Variants in SLC2A13 observed in about 807,000 individuals in gnomAD.
SLC2A13 encodes the protein proton myo-inositol cotransporter.
A neutral mutation model predicts 64.4 loss-of-function variants in SLC2A13; 32 were observed. The observed-to-expected ratio is 0.50, with a 90% CI of 0.37 to 0.67. The LOEUF (loss-of-function observed/expected upper bound fraction) is 0.67. SLC2A13 is among the 30% of genes least tolerant of loss of function. The pLI, the probability that SLC2A13 is intolerant of heterozygous loss-of-function variation, is 0.00. For synonymous variants in SLC2A13, 338 were observed against 327.1 expected, an observed-to-expected ratio of 1.03 and a Z score of -0.36; for missense variants, 743 against 829.2, an observed-to-expected ratio of 0.90 and a Z score of 1.28.
intron 1 of SLC2A13, among the ~76,000 whole-genome samples, chr12:40,079,118 G>T (rs2404352): frequency 6.6e-6 from 1 of 151,872 alleles, no homozygotes; most frequent in Non-Finnish European, 1.5e-5. Flanking sequence ...TTCACCTGTG[G>T]TTTTTGTTCA....
At chr12:39,923,138 C>CA (rs1481956073) in intron 4 of SLC2A13, among the ~76,000 whole-genome samples, 1 of 151,916 alleles carries the variant, frequency 6.6e-6, no homozygotes, top group Non-Finnish European at 1.5e-5. Context: ...TCACTGTCCT[C>CA]AAAAATTGGA....
chr12:40,018,080 G>A (rs1331588131), intron 3 of SLC2A13, among the ~76,000 whole-genome samples: 1 of 151,764 alleles, frequency 6.6e-6, no homozygotes, highest in Non-Finnish European at 1.5e-5. Flanking sequence ...GATAAAAACA[G>A]ACATACTTAA....
At chr12:39,788,984 A>G (rs979904967) in intron 7 of SLC2A13, among the ~76,000 whole-genome samples, 2 of 152,130 alleles carry the variant, frequency 1.3e-5, no homozygotes, top group Non-Finnish European at 2.9e-5. Context: ...GATTGATGCC[A>G]TAGTTGTTTT....
At position 39,759,640 on chromosome 12, in the gene SLC2A13, A is replaced by G. The variant is rs1940063901; in HGVS notation, c.*386T>C. ...CTTGGACCATCTCCCAGAATCCTTTATAAATATATTATACATATGTAATTT... is the reference window on the plus strand; with the variant it reads ...CTTGGACCATCTCCCAGAATCCTTTGTAAATATATTATACATATGTAATTT... On this transcript the variant is annotated 3_prime_UTR_variant, in exon 10 of 10. Coordinates refer to ENST00000280871, the MANE Select transcript of SLC2A13 (RefSeq NM_052885.4). The G allele has an allele frequency of 6.0e-6, 1 of 166,712 alleles. No homozygotes were observed. The highest frequency in any genetic ancestry group is 2.4e-5 in the African/African-American group (1 of 41,544). The allele number at this position is 166,712 out of a possible 1,614,324, so 10.3% of individuals were successfully genotyped here. A position where few individuals can be genotyped will look rare whatever the true frequency, so the allele number is the denominator to read the frequency against.
chr12:40,103,420 A>C (rs1156603482), intron 1 of SLC2A13, among the ~76,000 whole-genome samples: 2 of 152,214 alleles, frequency 1.3e-5, no homozygotes, highest in East Asian at 3.9e-4. Context: ...TATAAAGCTT[A>C]GCAAGTTCTA....
chr12:39,968,955 C>A (rs968436051), intron 3 of SLC2A13, among the ~76,000 whole-genome samples: 1 of 151,980 alleles, frequency 6.6e-6, no homozygotes. Context: ...CTCCTTCCCC[C>A]ACCCCACAAC....
intron 4 of SLC2A13, among the ~76,000 whole-genome samples, chr12:39,884,422 G>C (rs1409399828): frequency 6.6e-6 from 1 of 152,130 alleles, no homozygotes; most frequent in Admixed American, 6.6e-5. Flanking sequence ...ACCTCTGGTT[G>C]CCTAAAACAC....
chr12:40,099,955 A>G (rs1399823090), intron 1 of SLC2A13, among the ~76,000 whole-genome samples: 1 of 152,160 alleles, frequency 6.6e-6, no homozygotes, highest in Non-Finnish European at 1.5e-5. Context: ...CTGATTAACT[A>G]TTTGAAAATT....
intron 4 of SLC2A13, among the ~76,000 whole-genome samples, chr12:39,898,866 T>G (rs1201864926): frequency 3.3e-5 from 5 of 152,176 alleles, no homozygotes; most frequent in Non-Finnish European, 5.9e-5. Context: ...TAGCATGTTC[T>G]TCACCCTTGT....
intron 7 of SLC2A13, among the ~76,000 whole-genome samples, chr12:39,799,093 T>C (rs909024988): frequency 1.3e-5 from 2 of 148,468 alleles, no homozygotes; most frequent in East Asian, 3.9e-4. Context: ...TTTTTTTTTT[T>C]TTTAGACTCA....
At chr12:40,002,599 C>A (rs1947337993) in intron 3 of SLC2A13, among the ~76,000 whole-genome samples, 1 of 152,178 alleles carries the variant, frequency 6.6e-6, no homozygotes, top group African/African-American at 2.4e-5. Flanking sequence ...AATTCAAATT[C>A]TTTCATGCAG....
chr12:39,762,989 A>G (rs542659272), intron 9 of SLC2A13, among the ~76,000 whole-genome samples: 1 of 152,192 alleles, frequency 6.6e-6, no homozygotes, highest in Non-Finnish European at 1.5e-5. Flanking sequence ...ATAATCATGT[A>G]AACTTTTATT....
chr12:39,818,321 TG>T (rs1278886930), intron 7 of SLC2A13, among the ~76,000 whole-genome samples: 2 of 68,292 alleles, frequency 2.9e-5, no homozygotes, highest in African/African-American at 1.6e-4. Context: ...CATTAAATAC[TG>T]ATCGGTACCT....
At chr12:39,861,928 T>C (rs372255173) in intron 6 of SLC2A13, among the ~76,000 whole-genome samples, 18 of 152,334 alleles carry the variant, frequency 1.2e-4, no homozygotes, top group Middle Eastern at 3.4e-3. Flanking sequence ...GTCTGTTACA[T>C]AGGTAAACAT....
chr12:39,971,440 A>G (rs1010665088), intron 3 of SLC2A13, among the ~76,000 whole-genome samples: 1 of 152,234 alleles, frequency 6.6e-6, no homozygotes, highest in African/African-American at 2.4e-5. Context: ...AATTTGAAAT[A>G]TTACCTTTTC....
intron 6 of SLC2A13, chr12:39,830,537 C>A: frequency 9.6e-7 from 1 of 1,036,796 alleles, no homozygotes. Context: ...CTTTCCTAAA[C>A]CACTGAGATT....
intron 4 of SLC2A13, among the ~76,000 whole-genome samples, chr12:39,874,328 G>A (rs192710960): frequency 1.7e-3 from 252 of 152,100 alleles, no homozygotes; most frequent in Non-Finnish European, 2.3e-3. Flanking sequence ...GCATACAAAT[G>A]AGGGGCCGGG....
Position 39,830,211 on chromosome 12 carries a change from A to G in SLC2A13, c.1337T>C (p.Met446Thr). The G allele has an allele frequency of 6.2e-7, 1 of 1,613,298 alleles. No homozygotes were observed. Among genetic ancestry groups the G allele is most frequent in the Non-Finnish European group, 8.5e-7 (1 of 1,179,530 alleles). The change falls in exon 7 of 10, where the codon ATG (methionine) becomes ACG (threonine). Residue 446 changes from methionine to threonine, a missense_variant. Coordinates refer to ENST00000280871, the MANE Select transcript of SLC2A13 (RefSeq NM_052885.4). ...CTRYSYCNECMLDPDCGFCYK... is the reference protein window; with the variant it reads ...CTRYSYCNECTLDPDCGFCYK... ...GCAGAAACCGCAGTCTGGATCCAAC[A>G]TACATTCATTACAGTAACTGAAAAA... is the stretch of plus-strand genomic sequence containing the variant.
At chr12:39,923,861 T>C (rs1945667674) in intron 4 of SLC2A13, among the ~76,000 whole-genome samples, 1 of 152,136 alleles carries the variant, frequency 6.6e-6, no homozygotes, top group African/African-American at 2.4e-5. Context: ...TGGTAAAATA[T>C]GCACATCTGC....
Sources: allele counts gnomAD v4.1 joint callset (sites outside exome capture counted in the v4.1 genomes callset), GRCh38; gene constraint gnomAD v4.1.1; transcripts MANE v1.5; gene names NCBI Gene and HGNC (gene_info 2026-07-23, HGNC 2026-07-21).